Variants in ADGRL3 observed in about 807,000 individuals in gnomAD.
ADGRL3 encodes calcium-independent alpha-latrotoxin receptor 3.
ADGRL3 carries 62 observed loss-of-function variants against 153.5 expected under a neutral mutation model. The ratio of observed to expected loss-of-function variants is 0.40; its 90% CI spans 0.33 to 0.50. The LOEUF (loss-of-function observed/expected upper bound fraction) is 0.50. Ranked by LOEUF, ADGRL3 falls within the 20% of genes least tolerant of loss-of-function variation. The pLI is 0.47. For synonymous variants in ADGRL3, 710 were observed against 672.5 expected, an observed-to-expected ratio of 1.06 and a Z score of -0.86; for missense variants, 1,641 against 1,859.4, an observed-to-expected ratio of 0.88 and a Z score of 2.16.
At chr4:61,550,884 C>A (rs149628728) in intron 4 of ADGRL3, among the ~76,000 whole-genome samples, 4 of 152,082 alleles carry the variant, frequency 2.6e-5, no homozygotes, top group Admixed American at 2.0e-4. Flanking sequence ...TAAGTAATTA[C>A]CCTGTTTAAT....
At chr4:61,676,251 G>A (rs924086152) in intron 5 of ADGRL3, among the ~76,000 whole-genome samples, 6 of 151,846 alleles carry the variant, frequency 4.0e-5, no homozygotes, top group African/African-American at 1.5e-4. Flanking sequence ...AATTCCTAAA[G>A]TGGTTTTAAT....
intron 2 of ADGRL3, among the ~76,000 whole-genome samples, chr4:61,391,425 C>A (rs772733086): frequency 6.6e-6 from 1 of 152,310 alleles, no homozygotes; most frequent in South Asian, 2.1e-4. Flanking sequence ...GACCCAATCA[C>A]CTCATACCAG....
rs1018175743 is a variant in ADGRL3, at chr4:61,742,432, C to T, written c.1399+8878C>T. Among the ~76,000 whole-genome samples the T allele has an allele frequency of 2.0e-5, 3 of 152,014 alleles. No individual in the cohort carries two copies. The East Asian group carries it at 5.8e-4, about 29-fold the overall frequency. Reference sequence around the variant, plus strand: ...TAGCTGGGACTACAGGCGCCCGCCACCACGCCCGGCTAATTTTTTTTGTAT... The same window carrying T: ...TAGCTGGGACTACAGGCGCCCGCCATCACGCCCGGCTAATTTTTTTTGTAT... On this transcript the variant is annotated intron_variant, in intron 8 of 26. Coordinates refer to ENST00000683033, the MANE Select transcript of ADGRL3 (RefSeq NM_001387552.1).
intron 10 of ADGRL3, 79 bp from the exon 11 acceptor site, chr4:61,895,652 T>G: frequency 1.4e-6 from 1 of 712,448 alleles, no homozygotes; most frequent in Non-Finnish European, 2.3e-6. Context: ...CATTTTTACC[T>G]TTGCTTATTT....
chr4:61,384,206 C>CT (rs34155749), intron 2 of ADGRL3, among the ~76,000 whole-genome samples: 65,848 of 151,298 alleles, frequency 0.44, 14,352 homozygotes, highest in African/African-American at 0.49. Context: ...AATATTTTTG[C>CT]TTAATTTCTT....
At chr4:61,504,435 G>A (rs1235890616) in intron 3 of ADGRL3, among the ~76,000 whole-genome samples, 1 of 152,216 alleles carries the variant, frequency 6.6e-6, no homozygotes, top group South Asian at 2.1e-4. Context: ...CATACAATTT[G>A]TAAGGATCAG....
intron 5 of ADGRL3, among the ~76,000 whole-genome samples, chr4:61,616,614 C>T (rs889548409): frequency 6.6e-6 from 1 of 152,146 alleles, no homozygotes; most frequent in African/African-American, 2.4e-5. Flanking sequence ...CTATTGACTA[C>T]AACCTCCCAC....
At chr4:62,013,922 G>C (rs1303435801) in intron 21 of ADGRL3, among the ~76,000 whole-genome samples, 6 of 150,662 alleles carry the variant, frequency 4.0e-5, no homozygotes, top group Admixed American at 4.0e-4. Flanking sequence ...TGTTTGTTTT[G>C]TTTTTTCTTC....
At chr4:61,389,764 G>C (rs993496666) in intron 2 of ADGRL3, among the ~76,000 whole-genome samples, 11 of 152,086 alleles carry the variant, frequency 7.2e-5, no homozygotes, top group Admixed American at 7.2e-4. Context: ...TGGAGATATC[G>C]TGGCTGTCAG....
At chr4:61,805,324 A>C (rs2097542613) in intron 8 of ADGRL3, among the ~76,000 whole-genome samples, 1 of 152,156 alleles carries the variant, frequency 6.6e-6, no homozygotes, top group Non-Finnish European at 1.5e-5. Context: ...TCAGCAGGAA[A>C]AGAAAATTTA....
chr4:61,948,014 G>A (rs2150315213), intron 16 of ADGRL3, 86 bp from the exon 17 acceptor site: 3 of 1,092,968 alleles, frequency 2.7e-6, no homozygotes, highest in East Asian at 5.2e-5. Context: ...AGAATATGAA[G>A]TTGTATTATA....
At chr4:62,013,054 C>T (rs1209965206) in intron 21 of ADGRL3, among the ~76,000 whole-genome samples, 1 of 152,136 alleles carries the variant, frequency 6.6e-6, no homozygotes, top group East Asian at 1.9e-4. Context: ...CAGGTTTGGA[C>T]AGTGCAAACA....
chr4:61,711,049 A>G (rs1283117417), intron 6 of ADGRL3, among the ~76,000 whole-genome samples: 1 of 152,158 alleles, frequency 6.6e-6, no homozygotes, highest in African/African-American at 2.4e-5. Context: ...ATTATAAATT[A>G]TGTAGTTGTG....
At chr4:61,849,220 C>A (rs1337639358) in intron 9 of ADGRL3, among the ~76,000 whole-genome samples, 2 of 152,190 alleles carry the variant, frequency 1.3e-5, no homozygotes, top group African/African-American at 4.8e-5. Context: ...TCACCATAAC[C>A]TTTACCACAA....
chr4:61,557,382 T>A (rs1278743169), intron 4 of ADGRL3, among the ~76,000 whole-genome samples: 1 of 152,302 alleles, frequency 6.6e-6, no homozygotes, highest in Non-Finnish European at 1.5e-5. Flanking sequence ...GGTTCAGTTG[T>A]TTTTATTACA....
At chr4:61,620,678 G>A (rs1427889875) in intron 5 of ADGRL3, among the ~76,000 whole-genome samples, 1 of 113,582 alleles carries the variant, frequency 8.8e-6, no homozygotes, top group Non-Finnish European at 1.6e-5. Context: ...GTCTGGCTCT[G>A]TCGCCAGGCT....
At chr4:61,833,246 G>C (rs763040238) in intron 9 of ADGRL3, among the ~76,000 whole-genome samples, 40 of 151,990 alleles carry the variant, frequency 2.6e-4, no homozygotes, top group Non-Finnish European at 4.9e-4. Flanking sequence ...AAGGACACTT[G>C]GTTTATTTTG....
intron 10 of ADGRL3, among the ~76,000 whole-genome samples, chr4:61,893,968 C>T (rs762737187): frequency 3.3e-5 from 5 of 152,112 alleles, no homozygotes; most frequent in African/African-American, 2.4e-5. Flanking sequence ...GCCTCAGCCT[C>T]CCAAAGTTCT....
At chr4:61,805,219 G>A (rs1385887579) in intron 8 of ADGRL3, among the ~76,000 whole-genome samples, 1 of 152,060 alleles carries the variant, frequency 6.6e-6, no homozygotes, top group Non-Finnish European at 1.5e-5. Context: ...TGGGATTACA[G>A]GCATGAGCCA....
Sources: allele counts gnomAD v4.1 joint callset (sites outside exome capture counted in the v4.1 genomes callset), GRCh38; gene constraint gnomAD v4.1.1; transcripts MANE v1.5; gene names NCBI Gene and HGNC (gene_info 2026-07-23, HGNC 2026-07-21).